Variants in FOXP2 observed in about 807,000 individuals in gnomAD.
The protein encoded by FOXP2 is forkhead box protein P2.
Under a neutral mutation model 115.8 loss-of-function variants are expected in FOXP2, and 12 were observed. The ratio of observed to expected loss-of-function variants is 0.10; its 90% CI spans 0.07 to 0.17. The LOEUF is 0.17. FOXP2 is among the 10% of genes least tolerant of loss of function. The probability of loss-of-function intolerance (pLI) is 1.00; values close to 1 mark genes in which losing one functional copy is unlikely to be tolerated. For missense variants in FOXP2, 629 were observed against 843.5 expected, an observed-to-expected ratio of 0.75 and a Z score of 3.15; for synonymous variants, 328 against 297.7, an observed-to-expected ratio of 1.10 and a Z score of -1.05.
intron 1 of FOXP2, among the ~76,000 whole-genome samples, chr7:114,426,021 T>C (rs1484237044): frequency 6.6e-6 from 1 of 151,658 alleles, no homozygotes; most frequent in East Asian, 1.9e-4. Context: ...AAATTTTAAT[T>C]TTGTATGATT....
intron 3 of FOXP2, among the ~76,000 whole-genome samples, chr7:114,540,885 T>C (rs772831858): frequency 2.6e-5 from 4 of 152,038 alleles, no homozygotes; most frequent in African/African-American, 7.2e-5. Flanking sequence ...GGGTTAGAAA[T>C]ACACATCGCT....
chr7:114,493,498 T>G (rs1797165230), intron 2 of FOXP2, among the ~76,000 whole-genome samples: 1 of 152,176 alleles, frequency 6.6e-6, no homozygotes, highest in African/African-American at 2.4e-5. Flanking sequence ...ATGAAAAATC[T>G]GTACCTTTCA....
At chr7:114,367,236 G>C (rs1309174735) in intron 2 of FOXP2, among the ~76,000 whole-genome samples, 1 of 152,052 alleles carries the variant, frequency 6.6e-6, no homozygotes, top group East Asian at 1.9e-4. Flanking sequence ...AGGAAGTGAT[G>C]GAGACTGTGA....
At chr7:114,162,394 TA>T (rs1258060733), upstream of FOXP2, among the ~76,000 whole-genome samples, 2 of 151,966 alleles carry the variant, frequency 1.3e-5, no homozygotes, top group South Asian at 4.2e-4. Flanking sequence ...TTTGTACCAT[TA>T]AAAAAAATCT....
At chr7:114,435,272 T>C (rs1001013738) in intron 2 of FOXP2, among the ~76,000 whole-genome samples, 1 of 152,056 alleles carries the variant, frequency 6.6e-6, no homozygotes, top group Non-Finnish European at 1.5e-5. Flanking sequence ...GTCTAAATTG[T>C]CAAGAAAGGT....
At chr7:114,677,180 A>AAAAAAAAAAAAC (rs1554443474) in intron 16 of FOXP2, among the ~76,000 whole-genome samples, 1 of 147,940 alleles carries the variant, frequency 6.8e-6, no homozygotes. Flanking sequence ...AACAAAAAAA[A>AAAAAAAAAAAAC]AAAAAACAAA....
intron 2 of FOXP2, among the ~76,000 whole-genome samples, chr7:114,314,651 C>T (rs191425334): frequency 6.6e-6 from 1 of 152,258 alleles, no homozygotes; most frequent in East Asian, 1.9e-4. Context: ...TAGTACCTAA[C>T]CTCAGGTTGG....
At chr7:114,293,864 C>T (rs529522000) in intron 2 of FOXP2, among the ~76,000 whole-genome samples, 2 of 152,104 alleles carry the variant, frequency 1.3e-5, no homozygotes, top group South Asian at 2.1e-4. Context: ...TTCATAGGAG[C>T]GTGAGAACAG....
intron 2 of FOXP2, among the ~76,000 whole-genome samples, chr7:114,313,436 C>G (rs1016615811): frequency 3.9e-5 from 6 of 152,100 alleles, no homozygotes; most frequent in Admixed American, 2.6e-4. Flanking sequence ...AATTGTTAAT[C>G]TATTAAAGGT....
At position 114,538,228 on chromosome 7, in the gene FOXP2, T is replaced by C. The variant is rs550784372; in HGVS notation, c.258+3522T>C. The C allele has an allele frequency of 3.7e-4, 320 of 873,306 alleles. 3 individuals carry two copies. Among genetic ancestry groups the C allele is most frequent in the Non-Finnish European group, 4.6e-4 (276 of 601,368 alleles). 54.1% of individuals were successfully genotyped at this position (873,306 alleles called of 1,614,324 possible). ...TAATCTGTAAATTTAAAAAAATTTT[T>C]GTAAAATACATTTTCAATTTTCTAG... On this transcript the variant is annotated intron_variant, in intron 3 of 16. Transcript: ENST00000350908.
rs558217663 is a variant in FOXP2, at chr7:114,227,888, A to G, written c.-101-60131A>G. On this transcript the variant is annotated intron_variant, in intron 1 of 17. Transcript: ENST00000634411. ...TGGCTCTTCCTAACCACAGATGCCA[A>G]AAAGGGATATGGTAATTTACATGAT... Among the ~76,000 whole-genome samples, 27 of 152,142 alleles carry G rather than the reference A, an allele frequency of 1.8e-4. No homozygotes were observed. In the South Asian group the frequency reaches 5.6e-3, roughly 32 times the overall value.
upstream of FOXP2, among the ~76,000 whole-genome samples, chr7:114,411,032 G>A (rs756185855): frequency 3.0e-4 from 45 of 152,046 alleles, no homozygotes; most frequent in Non-Finnish European, 6.0e-4. Flanking sequence ...TAGTGTTTGG[G>A]ACAGGAAGAT....
intron 1 of FOXP2, among the ~76,000 whole-genome samples, chr7:114,252,797 T>C (rs929983694): frequency 3.9e-5 from 6 of 152,214 alleles, no homozygotes; most frequent in Admixed American, 2.6e-4. Context: ...TCTCCTTCAG[T>C]TCTGCTCTGA....
At chr7:114,370,514 G>T (rs189100639) in intron 2 of FOXP2, among the ~76,000 whole-genome samples, 47 of 152,286 alleles carry the variant, frequency 3.1e-4, no homozygotes, top group African/African-American at 1.1e-3. Context: ...TCAACATGAT[G>T]TCTGAGCCTG....
Position 114,497,665 on chromosome 7 carries a change from GTAAATAAATAAA to G in FOXP2, c.169-36919_169-36908del, listed in dbSNP as rs3028216. Among the ~76,000 whole-genome samples, 851 of 145,610 alleles carry G rather than the reference GTAAATAAATAAA, an allele frequency of 5.8e-3. 3 individuals are homozygous for G. The highest frequency in any genetic ancestry group is 7.9e-3 in the Non-Finnish European group (522 of 66,382). On this transcript the variant is annotated intron_variant, in intron 2 of 16. Transcript: ENST00000350908. ...AAGCCTCCATCTAAAAAATAAATAA[GTAAATAAATAAA>G]TAAATAAATAAATAAATAAATAAAT...
chr7:114,287,618 T>C (rs2129175918), intron 1 of FOXP2, among the ~76,000 whole-genome samples: 1 of 152,106 alleles, frequency 6.6e-6, no homozygotes, highest in Non-Finnish European at 1.5e-5. Flanking sequence ...TCATTAAGTA[T>C]GTGTTGAAGA....
intron 1 of FOXP2, among the ~76,000 whole-genome samples, chr7:114,223,433 G>C (rs1201780122): frequency 6.8e-6 from 1 of 146,372 alleles, no homozygotes; most frequent in Non-Finnish European, 1.5e-5. Flanking sequence ...ATTTTACTTT[G>C]GTGTTATAAA....
intron 3 of FOXP2, among the ~76,000 whole-genome samples, chr7:114,568,551 T>G (rs963692957): frequency 2.4e-4 from 37 of 151,924 alleles, no homozygotes; most frequent in African/African-American, 8.9e-4. Context: ...GAAATATGGT[T>G]AGGTTTATGA....
intron 2 of FOXP2, among the ~76,000 whole-genome samples, chr7:114,363,149 T>G (rs1382691976): frequency 6.6e-6 from 1 of 152,118 alleles, no homozygotes; most frequent in Non-Finnish European, 1.5e-5. Flanking sequence ...ATTCTTCTAT[T>G]CTGTATTCAT....
Sources: gnomAD v4.1 joint callset for allele counts (sites outside exome capture counted in the v4.1 genomes callset) on GRCh38, gnomAD v4.1.1 for gene constraint, MANE v1.5 for transcripts, NCBI Gene and HGNC (gene_info 2026-07-23, HGNC 2026-07-21) for gene names.